TMEM178B: variants seen among roughly 807,000 people sequenced by gnomAD.
TMEM178B encodes transmembrane protein 178B.
TMEM178B carries 5 observed loss-of-function variants against 31.0 expected under a neutral mutation model. The observed-to-expected ratio is 0.16, with a 90% CI of 0.08 to 0.34. The LOEUF (loss-of-function observed/expected upper bound fraction) is 0.34. TMEM178B is among the 10% of genes least tolerant of loss of function. The probability of loss-of-function intolerance (pLI) is 1.00; values close to 1 mark genes in which losing one functional copy is unlikely to be tolerated. For missense variants in TMEM178B, 275 were observed against 400.3 expected (o/e 0.69, Z 2.67); for synonymous variants, 164 against 164.0 (o/e 1.00, Z 0.00).
intron 2 of TMEM178B, among the ~76,000 whole-genome samples, chr7:141,328,410 A>G (rs1424676722): frequency 6.6e-6 from 1 of 152,198 alleles, no homozygotes; most frequent in Admixed American, 6.5e-5. Context: ...GGAGGAGGCT[A>G]GAGACTCAGG....
rs905590929 is a variant in TMEM178B at position 141,459,941 on chromosome 7, A to G, written c.635-10595A>G. Among the ~76,000 whole-genome samples the G allele has an allele frequency of 3.6e-4, 51 of 140,328 alleles. 1 individual carries two copies. Among genetic ancestry groups the G allele is most frequent in the African/African-American group, 1.3e-3 (50 of 37,058 alleles). The allele number at this position is 140,328 out of a possible 152,430, so 92.1% of individuals were successfully genotyped here. On this transcript the variant is annotated intron_variant, in intron 3 of 3. Coordinates refer to ENST00000565468, the MANE Select transcript of TMEM178B (RefSeq NM_001195278.2). ...TAATTACCTGGGTGAGGGAGAATAG[A>G]TGGAGAAAAAAAAAAAAAAAAGAAC... is the stretch of plus-strand genomic sequence containing the variant.
In TMEM178B at chr7:141,450,957, CA is replaced by C. The variant is rs552075433; in HGVS notation, c.634+13216del. ...GTGTTCCTGTGACAGTAGGATAAAA[CA>C]AAAGGTTACTGGGAATGCCACCTGC... On this transcript the variant is annotated intron_variant, in intron 3 of 3. Transcript: ENST00000565468. 5.1e-4 allele frequency among the ~76,000 whole-genome samples: 77 copies of C among 152,242 alleles called. 5 individuals carry two copies. In the South Asian group the frequency reaches 7.1e-3, roughly 14 times the overall value.
intron 1 of TMEM178B, among the ~76,000 whole-genome samples, chr7:141,127,788 T>A (rs996089255): frequency 1.3e-5 from 2 of 152,186 alleles, no homozygotes; most frequent in Non-Finnish European, 2.9e-5. Flanking sequence ...TGGTCAGCCC[T>A]TTTAGCTTCC....
chr7:141,275,909 A>G (rs17162033), intron 2 of TMEM178B, among the ~76,000 whole-genome samples: 3,989 of 152,262 alleles, frequency 0.026, 171 homozygotes, highest in African/African-American at 0.091. Context: ...TCGTGCTACA[A>G]TGGATGTGTT....
At chr7:141,488,087 A>G in the TMEM178B span, among the ~76,000 whole-genome samples, 834 of 152,304 alleles carry the variant, frequency 5.5e-3, 13 homozygotes, top group African/African-American at 0.019. Flanking sequence ...CTAAAAAAAA[A>G]AAAACTTTGA....
chr7:141,357,825 G>A (rs1325634623), intron 2 of TMEM178B, among the ~76,000 whole-genome samples: 2 of 152,164 alleles, frequency 1.3e-5, no homozygotes, highest in East Asian at 3.8e-4. Context: ...TTTCTTAGTT[G>A]TAGAGTGTAT....
Position 141,344,622 on chromosome 7 carries a change from T to C in TMEM178B, c.497-92986T>C, listed in dbSNP as rs368181234. Among the ~76,000 whole-genome samples the C allele has an allele frequency of 2.3e-5, 3 of 130,166 alleles. No homozygotes were observed. Among genetic ancestry groups the C allele is most frequent in the African/African-American group, 6.2e-5 (2 of 32,510 alleles). The allele number at this position is 130,166 out of a possible 152,430, so 85.4% of individuals were successfully genotyped here. Reference sequence around the variant, plus strand: ...TTCCTTCCTTCCTTCCTTCCTTCCTTCCTTCCTCCCTTCCTTCTTCCCTTC... The same window carrying C: ...TTCCTTCCTTCCTTCCTTCCTTCCTCCCTTCCTCCCTTCCTTCTTCCCTTC... On this transcript the variant is annotated intron_variant, in intron 2 of 3. Coordinates refer to ENST00000565468, the MANE Select transcript of TMEM178B (RefSeq NM_001195278.2). This position sits in a 1 kb window ranked among gnomAD's most constrained non-coding sequence, Gnocchi z 4.1.
At chr7:141,282,971 C>CTCA (rs1798389642) in intron 2 of TMEM178B, among the ~76,000 whole-genome samples, 1 of 152,216 alleles carries the variant, frequency 6.6e-6, no homozygotes, top group Admixed American at 6.5e-5. Context: ...TGCAAACTAT[C>CTCA]TCATCTATTA....
At chr7:141,159,786 A>G (rs1400890528) in intron 1 of TMEM178B, among the ~76,000 whole-genome samples, 1 of 152,058 alleles carries the variant, frequency 6.6e-6, no homozygotes, top group Non-Finnish European at 1.5e-5. Context: ...GACAGAAGGT[A>G]GAAGGGTGGT....
intron 2 of TMEM178B, among the ~76,000 whole-genome samples, chr7:141,354,536 C>T (rs1416564231): frequency 6.6e-6 from 1 of 152,228 alleles, no homozygotes; most frequent in Non-Finnish European, 1.5e-5. Flanking sequence ...TATGTGTTCA[C>T]ATGTGTGTGT....
chr7:141,224,730 G>C (rs1797312714), intron 2 of TMEM178B, among the ~76,000 whole-genome samples: 1 of 152,310 alleles, frequency 6.6e-6, no homozygotes, highest in South Asian at 2.1e-4. Flanking sequence ...ACTCATGCCT[G>C]TAGAAGGGCA....
rs1188139069 is a variant in TMEM178B at position 141,344,591 on chromosome 7, CCTT to C, written c.497-93015_497-93013del. On this transcript the variant is annotated intron_variant, in intron 2 of 3. Transcript: ENST00000565468. The surrounding 1 kb of genome is among the most constrained non-coding windows in gnomAD (Gnocchi z 4.1). The stretch of plus-strand genomic sequence containing the variant: ...TCCCTCCTCCCTTCCTTCCTTCCTT[CCTT>C]CCTTCCTTCCTTCCTTCCTTCCTTC... 3.1e-5 allele frequency among the ~76,000 whole-genome samples: 4 copies of C among 127,504 alleles called. No homozygotes were observed. The highest frequency in any genetic ancestry group is 2.9e-4 in the South Asian group (1 of 3,480). The allele number at this position is 127,504 out of a possible 152,430, so 83.6% of individuals were successfully genotyped here. A position where few individuals can be genotyped will look rare whatever the true frequency, so the allele number is the denominator to read the frequency against.
chr7:141,399,634 C>T (rs1315699035), intron 2 of TMEM178B, among the ~76,000 whole-genome samples: 1 of 152,182 alleles, frequency 6.6e-6, no homozygotes, highest in Non-Finnish European at 1.5e-5. Flanking sequence ...AGTCATTTCA[C>T]ACCTGTTTTC....
At chr7:141,240,240 TG>T (rs1477951264) in intron 2 of TMEM178B, among the ~76,000 whole-genome samples, 2 of 152,142 alleles carry the variant, frequency 1.3e-5, no homozygotes, top group Non-Finnish European at 2.9e-5. Context: ...TTTAAAAAAA[TG>T]AGGTTTTTAA....
chr7:141,096,691 A>G (rs1794965512), intron 1 of TMEM178B, among the ~76,000 whole-genome samples: 1 of 152,196 alleles, frequency 6.6e-6, no homozygotes, highest in Non-Finnish European at 1.5e-5. Context: ...CCCTTATAAT[A>G]AACTACAAAA....
intron 2 of TMEM178B, among the ~76,000 whole-genome samples, chr7:141,361,649 C>G (rs1381602060): frequency 2.6e-5 from 4 of 152,154 alleles, no homozygotes; most frequent in African/African-American, 9.7e-5. Flanking sequence ...GCAGAGTAAC[C>G]CTTGTCCCGT....
chr7:141,432,162 T>TTTTTTTC lies in TMEM178B; in HGVS notation c.497-5440_497-5439insCTTTTTT, dbSNP rs1261938150. On this transcript the variant is annotated intron_variant, in intron 2 of 3. Transcript: ENST00000565468. ...TCACTGCATCTTTTTTTTTTTTTTT[T>TTTTTTTC]TTTTTTTTTTTTGAGACGGAGTCTC... Among the ~76,000 whole-genome samples the TTTTTTTC allele has an allele frequency of 1.9e-3, 238 of 128,172 alleles. 4 individuals carry two copies. Among genetic ancestry groups the TTTTTTTC allele is most frequent in the South Asian group, 5.2e-3 (19 of 3,646 alleles). 84.1% of individuals were successfully genotyped at this position (128,172 alleles called of 152,430 possible).
At chr7:141,176,529 A>T (rs1796437323) in intron 1 of TMEM178B, among the ~76,000 whole-genome samples, 2 of 152,144 alleles carry the variant, frequency 1.3e-5, no homozygotes, top group Admixed American at 1.3e-4. Context: ...TTTCAGAAGG[A>T]ATGGTACCAG....
At chr7:141,343,519 G>A (rs1476251350) in intron 2 of TMEM178B, among the ~76,000 whole-genome samples, 2 of 146,530 alleles carry the variant, frequency 1.4e-5, no homozygotes, top group Non-Finnish European at 3.0e-5. Context: ...GCTGTGATGG[G>A]AGCACCTTTT....
Sources: allele counts gnomAD v4.1 joint callset (sites outside exome capture counted in the v4.1 genomes callset), GRCh38; gene constraint gnomAD v4.1.1; non-coding constraint Gnocchi (gnomAD v3.1); transcripts MANE v1.5; gene names NCBI Gene and HGNC (gene_info 2026-07-23, HGNC 2026-07-21).